CFAP58: variants seen among roughly 807,000 people sequenced by gnomAD.
The protein encoded by CFAP58 is cilia- and flagella-associated protein 58.
A neutral mutation model predicts 119.5 loss-of-function variants in CFAP58; 88 were observed. The ratio of observed to expected loss-of-function variants is 0.74; its 90% confidence interval spans 0.62 to 0.88. The LOEUF (loss-of-function observed/expected upper bound fraction) is 0.88. CFAP58 is among the 40% of genes least tolerant of loss of function. CFAP58 has a pLI of 0.00. For synonymous variants in CFAP58, 365 were observed against 366.3 expected (o/e 1.00, Z 0.04); for missense variants, 990 against 1,021.2 (o/e 0.97, Z 0.42).
intron 4 of CFAP58, 81 bp from the exon 5 acceptor site, chr10:104,365,733 G>C (rs993222758): frequency 5.9e-5 from 74 of 1,260,968 alleles, no homozygotes; most frequent in Non-Finnish European, 7.7e-5. Flanking sequence ...ACAGACCTGA[G>C]AGAGGAGGGG....
At chr10:104,413,929 C>A (rs1435224157) in intron 15 of CFAP58, among the ~76,000 whole-genome samples, 1 of 152,146 alleles carries the variant, frequency 6.6e-6, no homozygotes, top group Admixed American at 6.5e-5. Context: ...TGGTTTCTTC[C>A]AAATGCTTAA....
intron 9 of CFAP58, 103 bp from the exon 10 acceptor site, chr10:104,392,130 G>A (rs1589919367): frequency 1.0e-6 from 1 of 960,894 alleles, no homozygotes; most frequent in African/African-American, 1.7e-5. Context: ...TCTGATTACT[G>A]GCATCTCTAC....
At chr10:104,429,032 G>C (rs1197912036) in intron 15 of CFAP58, among the ~76,000 whole-genome samples, 6 of 152,228 alleles carry the variant, frequency 3.9e-5, no homozygotes, top group African/African-American at 1.2e-4. Context: ...AGGATCCATT[G>C]ATTTTGTTGA....
rs758121685 is a variant in CFAP58, at chr10:104,403,782, G to A, written c.2093G>A (p.Arg698Gln). ...RELLKERTRC[R>Q]ALEEELENPL... ...TTGTTGAAGGAGAGGACACGCTGCC[G>A]AGCCCTGGAGGAGGAGCTGGAGAAT... The change falls in exon 14 of 18, where the codon CGA becomes CAA. Residue 698 changes from arginine (R) to glutamine (Q), a missense_variant. Arg to Gln is a conservative substitution (Grantham distance 43). Transcript: ENST00000369704. 16 of 1,612,844 alleles carry A rather than the reference G, an allele frequency of 9.9e-6. No homozygotes were observed. The highest frequency in any genetic ancestry group is 2.2e-5 in the East Asian group (1 of 44,866).
At chr10:104,357,978 CATATGTACACAT>C (rs1454598204) in intron 1 of CFAP58, among the ~76,000 whole-genome samples, 18 of 139,614 alleles carry the variant, frequency 1.3e-4, no homozygotes, top group Admixed American at 2.1e-4. Context: ...CACATATGTA[CATATGTACACAT>C]ATATGTACAC....
At chr10:104,425,486 C>T (rs1344337269) in intron 15 of CFAP58, among the ~76,000 whole-genome samples, 1 of 152,202 alleles carries the variant, frequency 6.6e-6, no homozygotes, top group Non-Finnish European at 1.5e-5. Flanking sequence ...GTGACAATGA[C>T]CGTAACTCCC....
rs1254184921 is a variant in CFAP58 at position 104,359,478 on chromosome 10, TG to T, written c.291+858del. 2.0e-5 allele frequency among the ~76,000 whole-genome samples: 3 copies of T among 152,326 alleles called. No homozygotes were observed. The East Asian group carries it at 5.8e-4, about 29-fold the overall frequency. ...AAGAAGGCTTAAAGTCATTTTATAA[TG>T]GAAAAAAACATTTTTCATTGTAAAT... On this transcript the variant is annotated intron_variant, in intron 2 of 17. Transcript: ENST00000369704.
intron 15 of CFAP58, among the ~76,000 whole-genome samples, chr10:104,433,001 T>C (rs1271878576): frequency 1.3e-5 from 2 of 152,246 alleles, no homozygotes; most frequent in East Asian, 3.8e-4. Context: ...GTGTTATTTA[T>C]GCTATAAGGT....
chr10:104,366,118 C>A, intron 5 of CFAP58, 110 bp downstream of exon 5: 1 of 965,126 alleles, frequency 1.0e-6, no homozygotes. Flanking sequence ...ATTCCCTTCA[C>A]TACTCGTGCT....
At chr10:104,347,620 T>G in the CFAP58 span, among the ~76,000 whole-genome samples, 1 of 152,134 alleles carries the variant, frequency 6.6e-6, no homozygotes, top group South Asian at 2.1e-4. Flanking sequence ...CCATAGACAC[T>G]AAATCCAGCA....
At chr10:104,366,946 C>T (rs970335485) in intron 5 of CFAP58, among the ~76,000 whole-genome samples, 1 of 152,114 alleles carries the variant, frequency 6.6e-6, no homozygotes, top group Non-Finnish European at 1.5e-5. Flanking sequence ...CAGCTCACTG[C>T]AACCTCCACC....
intron 9 of CFAP58, chr10:104,382,010 C>T (rs1589916082): frequency 1.4e-6 from 1 of 692,206 alleles, no homozygotes; most frequent in Non-Finnish European, 2.7e-6. Flanking sequence ...TCAGTTTACA[C>T]TGCACAAATA....
At chr10:104,355,081 C>G (rs1430480841) in intron 1 of CFAP58, among the ~76,000 whole-genome samples, 1 of 152,202 alleles carries the variant, frequency 6.6e-6, no homozygotes, top group African/African-American at 2.4e-5. Flanking sequence ...CGCCTGGGCT[C>G]CATCACTCAC....
At position 104,362,901 on chromosome 10, in the gene CFAP58, C is replaced by A. The variant is rs552533116; in HGVS notation, c.440+730C>A. Among the ~76,000 whole-genome samples the A allele has an allele frequency of 4.6e-5, 7 of 152,336 alleles. No homozygotes were observed. The South Asian group carries it at 1.4e-3, about 32-fold the overall frequency. On this transcript the variant is annotated intron_variant, in intron 3 of 17. Transcript: ENST00000369704. ...TCCAGAGCCCTTTGAGAACCTGCCC[C>A]AGTCAGCCTCTCTAGCCTCGTGCGA... is the stretch of plus-strand genomic sequence containing the variant.
In CFAP58 at chr10:104,438,374, GTT is replaced by G. The variant is rs1331646903; in HGVS notation, c.2257-9313_2257-9312del. ...TTTTTTTTTTTTGTTTTTTTTTTTT[GTT>G]TTTTTTTTTTGAGACGGAGTCTCGC... On this transcript the variant is annotated intron_variant, in intron 15 of 17. Transcript: ENST00000369704. Among the ~76,000 whole-genome samples the G allele has an allele frequency of 2.1e-4, 11 of 51,250 alleles. 1 individual carries two copies. The highest frequency in any genetic ancestry group is 8.7e-4 in the African/African-American group (10 of 11,486). The allele number at this position is 51,250 out of a possible 152,430, so 33.6% of individuals were successfully genotyped here. A position where few individuals can be genotyped will look rare whatever the true frequency, so the allele number is the denominator to read the frequency against.
chr10:104,450,996 T>C (rs746632860), intron 17 of CFAP58, among the ~76,000 whole-genome samples: 12 of 152,108 alleles, frequency 7.9e-5, no homozygotes, highest in Admixed American at 2.0e-4. Flanking sequence ...GATGCTCCCA[T>C]GTTGAAAAAC....
intron 7 of CFAP58, among the ~76,000 whole-genome samples, chr10:104,376,105 C>G (rs1463354162): frequency 6.6e-6 from 1 of 152,006 alleles, no homozygotes; most frequent in Admixed American, 6.5e-5. Flanking sequence ...CAAGAGACTT[C>G]GCAGGGCAAT....
Position 104,414,696 on chromosome 10 carries a change from T to G in CFAP58, c.2256+7903T>G, listed in dbSNP as rs183711769. 9.1e-3 allele frequency among the ~76,000 whole-genome samples: 1,390 copies of G among 152,198 alleles called. 24 individuals carry two copies. Among genetic ancestry groups the G allele is most frequent in the African/African-American group, 0.032 (1,322 of 41,520 alleles). On this transcript the variant is annotated intron_variant, in intron 15 of 17. Transcript: ENST00000369704. ...TTTATTTTTATTTTTTTGAGACGGA[T>G]TCTTGCTCTGTCACCCAGGCTGGAG...
intron 10 of CFAP58, 97 bp from the exon 11 acceptor site, chr10:104,393,232 G>C: frequency 9.1e-7 from 1 of 1,097,158 alleles, no homozygotes; most frequent in Non-Finnish European, 1.3e-6. Context: ...ATTGTTTTGA[G>C]AGAGCGTCCC....
Sources: gnomAD v4.1 joint callset for allele counts (sites outside exome capture counted in the v4.1 genomes callset) on GRCh38, gnomAD v4.1.1 for gene constraint, MANE v1.5 for transcripts, NCBI Gene and HGNC (gene_info 2026-07-23, HGNC 2026-07-21) for gene names.